The following URB1 variants were observed in gnomAD, a reference collection of about 807,000 sequenced individuals.
URB1 encodes URB1 ribosome biogenesis factor, also known as nucleolar pre-ribosomal-associated protein 1.
URB1 carries 197 observed loss-of-function variants against 242.3 expected under a neutral mutation model. The observed-to-expected ratio is 0.81, with a 90% CI of 0.72 to 0.91. URB1 has a LOEUF of 0.91. URB1 is among the 40% of genes least tolerant of loss of function. The pLI is 0.00. For synonymous variants in URB1, 1,153 were observed against 1,201.8 expected, an observed-to-expected ratio of 0.96 and a Z score of 0.84; for missense variants, 2,721 against 2,860.5, an observed-to-expected ratio of 0.95 and a Z score of 1.11.
intron 14 of URB1, among the ~76,000 whole-genome samples, chr21:32,358,057 C>A (rs1381312517): frequency 6.6e-6 from 1 of 152,116 alleles, no homozygotes; most frequent in Non-Finnish European, 1.5e-5. Flanking sequence ...CATAACGTAG[C>A]AGGAGCCATC....
chr21:32,319,630 C>T (rs951380039), intron 35 of URB1, among the ~76,000 whole-genome samples: 8 of 152,168 alleles, frequency 5.3e-5, no homozygotes, highest in Non-Finnish European at 8.8e-5. Flanking sequence ...ATTCAGGAGC[C>T]GCTGGGGCAC....
intron 6 of URB1, 69 bp downstream of exon 6, chr21:32,375,329 A>T (rs2033447183): frequency 9.6e-7 from 1 of 1,036,580 alleles, no homozygotes; most frequent in African/African-American, 1.7e-5. Flanking sequence ...CAGTCCTGTA[A>T]AACACCGGAG....
Position 32,353,951 on chromosome 21 carries a change from C to T in URB1, c.2398G>A (p.Gly800Arg). ...ALEARNKLLL[G>R]TGNEAAENVV... The stretch of plus-strand genomic sequence containing the variant: ...TAGGTACCTGCTTCATTGCCTGTCC[C>T]AAGGAGCAACTTATTCCTGGCTTCC... The change falls in exon 18 of 39, where the codon GGG becomes AGG. Residue 800 changes from glycine to arginine, a missense_variant. By Grantham distance (125) the Gly-to-Arg change is moderately radical (BLOSUM62 -2). Transcript: ENST00000382751. 1 of 1,551,748 alleles carries T rather than the reference C, an allele frequency of 6.4e-7. No homozygotes were observed. Among genetic ancestry groups the T allele is most frequent in the East Asian group, 2.4e-5 (1 of 40,918 alleles).
chr21:32,339,993 C>T (rs2123569616), intron 25 of URB1, among the ~76,000 whole-genome samples: 1 of 152,290 alleles, frequency 6.6e-6, no homozygotes, highest in African/African-American at 2.4e-5. Flanking sequence ...GTCCTAAATC[C>T]CTTCAAAACC....
chr21:32,334,627 C>T (rs888564585), intron 28 of URB1, among the ~76,000 whole-genome samples: 1 of 152,176 alleles, frequency 6.6e-6, no homozygotes, highest in Non-Finnish European at 1.5e-5. Context: ...TGCACAACAT[C>T]TCCATCAGGT....
chr21:32,365,265 CA>C (rs1205341934), intron 10 of URB1, among the ~76,000 whole-genome samples: 3 of 152,074 alleles, frequency 2.0e-5, no homozygotes, highest in Non-Finnish European at 1.5e-5. Context: ...CGCAACATAG[CA>C]AGACACTGTC....
chr21:32,367,283 T>C (rs2033356811), intron 9 of URB1, among the ~76,000 whole-genome samples: 1 of 152,128 alleles, frequency 6.6e-6, no homozygotes, highest in Non-Finnish European at 1.5e-5. Context: ...ACACTGGGCC[T>C]GCAAAAACCA....
chr21:32,373,433 T>TAA (rs113158287), intron 7 of URB1, among the ~76,000 whole-genome samples: 4 of 145,348 alleles, frequency 2.8e-5, no homozygotes, highest in Admixed American at 1.4e-4. Flanking sequence ...GTTTTCTAAT[T>TAA]AAAAAAAAAA....
intron 12 of URB1, 114 bp downstream of exon 12, chr21:32,361,778 G>A: frequency 7.2e-7 from 1 of 1,395,680 alleles, no homozygotes; most frequent in Admixed American, 2.9e-5. Context: ...AGCCAGAGGT[G>A]CCTTGAAACA....
intron 1 of URB1, among the ~76,000 whole-genome samples, chr21:32,391,369 TA>T (rs71963938): frequency 9.4e-5 from 14 of 148,686 alleles, no homozygotes; most frequent in Non-Finnish European, 1.5e-4. Context: ...AAAGTATGAT[TA>T]AAAAAAAAAG....
rs1427499766 is a variant in URB1 at position 32,392,928 on chromosome 21, C to A, written c.-18G>T. On this transcript the variant is annotated 5_prime_UTR_variant, in exon 1 of 39. Coordinates refer to ENST00000382751, the MANE Select transcript of URB1 (RefSeq NM_014825.3). ...ACCCCCATGGCCGAGAGGGCGGAAG[C>A]GCGACGGAAACGACACACCTGAGGG... The A allele has an allele frequency of 1.3e-6, 2 of 1,498,254 alleles. No homozygotes were observed. Among genetic ancestry groups the A allele is most frequent in the Admixed American group, 2.1e-5 (1 of 46,526 alleles). 92.8% of individuals were successfully genotyped at this position (1,498,254 alleles called of 1,614,324 possible). A position where few individuals can be genotyped will look rare whatever the true frequency, so the allele number is the denominator to read the frequency against.
chr21:32,345,712 G>A (rs936976338), intron 22 of URB1, 137 bp from the exon 23 acceptor site: 15 of 844,744 alleles, frequency 1.8e-5, no homozygotes, highest in Non-Finnish European at 2.7e-5. Flanking sequence ...GCCTGAAATT[G>A]GTCACGGCAG....
chr21:32,341,450 A>G lies in URB1; in HGVS notation c.4316+16T>C. ...CACCTTTACCGAAGGGCACCAAGAA[A>G]ATAAAATCAACTTACTTGAGTCCCT... On this transcript the variant is annotated intron_variant, in intron 25 of 38. Coordinates refer to ENST00000382751, the MANE Select transcript of URB1 (RefSeq NM_014825.3). 1 of 1,551,454 alleles carries G rather than the reference A, an allele frequency of 6.4e-7. No homozygotes were observed.
chr21:32,320,771 G>C, intron 34 of URB1, 131 bp from the exon 35 acceptor site: 2 of 690,810 alleles, frequency 2.9e-6, no homozygotes, highest in South Asian at 3.4e-5. Flanking sequence ...GCTTTGCTAA[G>C]TCCGTCAGAG....
Position 32,333,426 on chromosome 21 carries a change from G to A in URB1, c.4858-7C>T, listed in dbSNP as rs201222957. On this transcript the variant is annotated splice_region_variant and splice_polypyrimidine_tract_variant and intron_variant, in intron 29 of 38. Coordinates refer to ENST00000382751, the MANE Select transcript of URB1 (RefSeq NM_014825.3). Reference sequence around the variant, plus strand: ...ATATCAGCTCCTGTGTGTCCTGAAAGAGCCAAAATCAACAAAAACGTGTGA... The same window carrying A: ...ATATCAGCTCCTGTGTGTCCTGAAAAAGCCAAAATCAACAAAAACGTGTGA... 7.0e-4 allele frequency: 1,078 copies of A among 1,548,692 alleles called. 6 individuals carry two copies. Among genetic ancestry groups the A allele is most frequent in the South Asian group, 4.3e-3 (360 of 83,616 alleles).
chr21:32,381,369 A>C (rs1447540802), intron 4 of URB1, among the ~76,000 whole-genome samples: 1 of 151,446 alleles, frequency 6.6e-6, no homozygotes, highest in Admixed American at 6.6e-5. Context: ...ATTATCTATA[A>C]CCCTCCTTCT....
In URB1 at chr21:32,347,063, T is replaced by C. The variant is rs2033094823; in HGVS notation, c.3761A>G (p.Gln1254Arg). The C allele has an allele frequency of 1.9e-6, 3 of 1,550,468 alleles. No individual in the cohort carries two copies. The highest frequency in any genetic ancestry group is 2.6e-6 in the Non-Finnish European group (3 of 1,146,484). The stretch of plus-strand genomic sequence containing the variant: ...CTGGAGGCCGAGCCCTGGGCCAGCC[T>C]GCAGGCACCACTGCTCGAACCACAG... ...HLLWFEQWCLQAGPGLGLQGD... is the reference protein window; with the variant it reads ...HLLWFEQWCLRAGPGLGLQGD... Residue 1254 changes from glutamine to arginine, a missense_variant, in exon 22 of 39, where the codon CAG (glutamine) becomes CGG (arginine). Gln to Arg is a conservative substitution (Grantham distance 43). Coordinates refer to ENST00000382751, the MANE Select transcript of URB1 (RefSeq NM_014825.3).
In URB1 at chr21:32,314,632, TAG is replaced by T. The variant is rs773077703; in HGVS notation, c.*284_*285del. ...TTTCCTGTGATGAGCTCCAAGCCCC[TAG>T]AGAGGAAGGGGCGGCCTGACGAGGC... On this transcript the variant is annotated 3_prime_UTR_variant, in exon 39 of 39. Transcript: ENST00000382751. The T allele has an allele frequency of 1.2e-6, 2 of 1,614,086 alleles. No homozygotes were observed. Among genetic ancestry groups the T allele is most frequent in the Admixed American group, 1.7e-5 (1 of 60,016 alleles).
At chr21:32,353,270 T>G (rs1030976558) in intron 18 of URB1, among the ~76,000 whole-genome samples, 3 of 152,138 alleles carry the variant, frequency 2.0e-5, no homozygotes, top group Admixed American at 2.0e-4. Flanking sequence ...GCCTGGTTAG[T>G]CACTTCCAGG....
Sources: allele counts gnomAD v4.1 joint callset (sites outside exome capture counted in the v4.1 genomes callset), GRCh38; gene constraint gnomAD v4.1.1; transcripts MANE v1.5; gene names NCBI Gene and HGNC (gene_info 2026-07-23, HGNC 2026-07-21).